Variants in RNF6 observed in about 807,000 individuals in gnomAD.
RNF6 encodes ring finger protein 6, also known as E3 ubiquitin-protein ligase RNF6.
Under a neutral mutation model 50.1 loss-of-function variants are expected in RNF6, and 21 were observed. That is an observed-to-expected ratio of 0.42 (90% CI 0.30 to 0.60). The LOEUF (loss-of-function observed/expected upper bound fraction) is 0.60. Ranked by LOEUF, RNF6 falls within the 20% of genes least tolerant of loss-of-function variation. RNF6 has a pLI of 0.20. For synonymous variants in RNF6, 255 were observed against 291.8 expected (o/e 0.87, Z 1.29); for missense variants, 698 against 838.2 (o/e 0.83, Z 2.07).
At chr13:26,193,116 T>C (rs1041190008) in intron 5 of RNF6, among the ~76,000 whole-genome samples, 1 of 152,152 alleles carries the variant, frequency 6.6e-6, no homozygotes, top group Non-Finnish European at 1.5e-5. Flanking sequence ...TGGGTGCCTA[T>C]TATACACCCA....
chr13:26,185,287 C>T (rs999985880), intron 5 of RNF6, among the ~76,000 whole-genome samples: 1 of 152,152 alleles, frequency 6.6e-6, no homozygotes, highest in African/African-American at 2.4e-5. Context: ...CAGGCATGAG[C>T]CATCATCCCC....
At chr13:26,182,099 T>C (rs959253841) in intron 5 of RNF6, among the ~76,000 whole-genome samples, 8 of 152,194 alleles carry the variant, frequency 5.3e-5, no homozygotes, top group Non-Finnish European at 1.2e-4. Context: ...AAAACACGTA[T>C]CTCCAGAAGT....
intron 5 of RNF6, among the ~76,000 whole-genome samples, chr13:26,200,843 C>T (rs1297961386): frequency 6.6e-6 from 1 of 152,164 alleles, no homozygotes; most frequent in Non-Finnish European, 1.5e-5. Flanking sequence ...ACAGTGTTTG[C>T]AGTGACCTGT....
intron 5 of RNF6, among the ~76,000 whole-genome samples, chr13:26,206,236 C>T (rs1288000616): frequency 6.9e-6 from 1 of 144,870 alleles, no homozygotes; most frequent in Non-Finnish European, 1.5e-5. Flanking sequence ...GGGAGGGGAG[C>T]CAGCAGAGGA....
chr13:26,136,160 A>G (rs1002914339), intron 5 of RNF6, among the ~76,000 whole-genome samples: 1 of 152,190 alleles, frequency 6.6e-6, no homozygotes, highest in South Asian at 2.1e-4. Context: ...TCACCAGGAG[A>G]TGTTTGCAGT....
At chr13:26,203,162 C>A (rs9581588) in intron 5 of RNF6, among the ~76,000 whole-genome samples, 2 of 152,038 alleles carry the variant, frequency 1.3e-5, no homozygotes, top group Non-Finnish European at 2.9e-5. Context: ...AATTACCTCT[C>A]GAGAGCATCC....
intron 5 of RNF6, among the ~76,000 whole-genome samples, chr13:26,180,125 C>T (rs940808690): frequency 6.6e-6 from 1 of 152,192 alleles, no homozygotes; most frequent in Non-Finnish European, 1.5e-5. Context: ...TCCAGTTATC[C>T]ATCGCCATCT....
chr13:26,156,268 G>A (rs1205056607), intron 5 of RNF6, among the ~76,000 whole-genome samples: 1 of 152,026 alleles, frequency 6.6e-6, no homozygotes, highest in Non-Finnish European at 1.5e-5. Context: ...ATATTAGGGA[G>A]AAAAAGAGGA....
chr13:26,140,269 T>C (rs145350957), intron 5 of RNF6, among the ~76,000 whole-genome samples: 1 of 152,314 alleles, frequency 6.6e-6, no homozygotes, highest in East Asian at 1.9e-4. Flanking sequence ...AGGAGTTTAA[T>C]TGAGCAATGA....
intron 5 of RNF6, among the ~76,000 whole-genome samples, chr13:26,203,826 G>A (rs150469781): frequency 1.7e-3 from 262 of 152,326 alleles, no homozygotes; most frequent in African/African-American, 5.9e-3. Flanking sequence ...GCCGGGCATG[G>A]AGGCAGGTGC....
chr13:26,133,394 G>C (rs1046745293), intron 5 of RNF6, among the ~76,000 whole-genome samples: 2 of 152,158 alleles, frequency 1.3e-5, no homozygotes, highest in Non-Finnish European at 2.9e-5. Context: ...AATTGGGAAA[G>C]TTTTCAGCCA....
At position 26,213,964 on chromosome 13, in the gene RNF6, C is replaced by T. The variant is rs1381100409; in HGVS notation, c.1918G>A (p.Val640Ile). 1 of 1,614,192 alleles carries T rather than the reference C, an allele frequency of 6.2e-7. No homozygotes were observed. The highest frequency in any genetic ancestry group is 8.5e-7 in the Non-Finnish European group (1 of 1,180,026). Residue 640 changes from valine to isoleucine, a missense_variant, in exon 5 of 5, where the codon GTA (valine) becomes ATA (isoleucine). Val to Ile is a conservative substitution (Grantham distance 29). Transcript: ENST00000381588. ...KICSVCISDY[V>I]TGNKLRQLPC... ...AATTGCCTGAGCTTGTTTCCAGTTA[C>T]ATAGTCACTAATACAAACACTACAG...
intron 5 of RNF6, among the ~76,000 whole-genome samples, chr13:26,176,598 G>T (rs1490167136): frequency 6.6e-6 from 1 of 152,190 alleles, no homozygotes; most frequent in Non-Finnish European, 1.5e-5. Flanking sequence ...GAGATGTTTA[G>T]GGTTGGCCCT....
chr13:26,163,242 G>T (rs974611721), intron 5 of RNF6, among the ~76,000 whole-genome samples: 5 of 152,012 alleles, frequency 3.3e-5, no homozygotes, highest in African/African-American at 1.2e-4. Context: ...AACCCGGGAG[G>T]CGGAGCTTGC....
chr13:26,222,291 G>A lies in RNF6; in HGVS notation c.-390C>T, dbSNP rs1458031069. 6.6e-6 allele frequency: 1 copy of A among 152,324 alleles called. No individual in the cohort carries two copies. The highest frequency in any genetic ancestry group is 1.5e-5 in the Non-Finnish European group (1 of 68,126). 9.4% of individuals were successfully genotyped at this position (152,324 alleles called of 1,614,324 possible). ...GGCGGCGGGGAGTCGCTCCGCAGCC[G>A]GCCCGGAGCTCGCCCGTGCAACTGA... On this transcript the variant is annotated 5_prime_UTR_variant, in exon 1 of 5. Coordinates refer to ENST00000381588, the MANE Select transcript of RNF6 (RefSeq NM_005977.4).
chr13:26,141,327 C>T (rs532943140), intron 5 of RNF6, among the ~76,000 whole-genome samples: 4 of 151,358 alleles, frequency 2.6e-5, no homozygotes, highest in Admixed American at 2.6e-4. Context: ...ACTCAGGAGG[C>T]TGAGGCAGGA....
At chr13:26,138,298 A>G (rs2137548381) in intron 5 of RNF6, among the ~76,000 whole-genome samples, 1 of 152,304 alleles carries the variant, frequency 6.6e-6, no homozygotes, top group Admixed American at 6.5e-5. Flanking sequence ...ATTCCCAAAT[A>G]AACAAAAACT....
intron 5 of RNF6, among the ~76,000 whole-genome samples, chr13:26,175,925 G>A (rs1872936720): frequency 6.6e-6 from 1 of 152,040 alleles, no homozygotes; most frequent in Non-Finnish European, 1.5e-5. Context: ...AAAAAAACAA[G>A]CAGGGGGTGG....
At chr13:26,198,441 G>T (rs1216108134) in intron 5 of RNF6, among the ~76,000 whole-genome samples, 1 of 151,836 alleles carries the variant, frequency 6.6e-6, no homozygotes, top group Non-Finnish European at 1.5e-5. Flanking sequence ...CACCTTCCCA[G>T]AAACATCCAG....
Sources: allele counts gnomAD v4.1 joint callset (sites outside exome capture counted in the v4.1 genomes callset), GRCh38; gene constraint gnomAD v4.1.1; transcripts MANE v1.5; gene names NCBI Gene and HGNC (gene_info 2026-07-23, HGNC 2026-07-21).